PTPRR: variants seen among roughly 807,000 people sequenced by gnomAD.
The protein encoded by PTPRR is receptor-type tyrosine-protein phosphatase R.
PTPRR carries 38 observed loss-of-function variants against 77.2 expected under a neutral mutation model. That is an observed-to-expected ratio of 0.49 (90% CI 0.38 to 0.65). The LOEUF (loss-of-function observed/expected upper bound fraction) is 0.65. PTPRR is among the 30% of genes least tolerant of loss of function. PTPRR has a pLI of 0.00. For missense variants in PTPRR, 744 were observed against 799.2 expected, an observed-to-expected ratio of 0.93 and a Z score of 0.83; for synonymous variants, 299 against 283.1, an observed-to-expected ratio of 1.06 and a Z score of -0.57.
intron 2 of PTPRR, among the ~76,000 whole-genome samples, chr12:70,841,289 T>C (rs1247323049): frequency 2.0e-5 from 3 of 152,192 alleles, no homozygotes; most frequent in Non-Finnish European, 2.9e-5. Flanking sequence ...CTTCTCGGTA[T>C]GCTAAATGAA....
intron 2 of PTPRR, among the ~76,000 whole-genome samples, chr12:70,808,188 A>C (rs1466150585): frequency 6.6e-6 from 1 of 152,086 alleles, no homozygotes; most frequent in South Asian, 2.1e-4. Context: ...GCTTGCTAGG[A>C]TTAGGAAATT....
At chr12:70,789,000 C>G (rs1037552413) in intron 2 of PTPRR, 1 of 769,182 alleles carries the variant, frequency 1.3e-6, no homozygotes, top group Admixed American at 3.7e-5. Flanking sequence ...CACTGCGGAT[C>G]CCAGGTCTAC....
At chr12:70,674,394 T>G (rs1341253993) in intron 10 of PTPRR, among the ~76,000 whole-genome samples, 1 of 152,220 alleles carries the variant, frequency 6.6e-6, no homozygotes, top group Non-Finnish European at 1.5e-5. Flanking sequence ...TAAACTTCCT[T>G]CTATGAGCAT....
rs926554079 is a variant in PTPRR, at chr12:70,889,446, T to G, written c.357+3233A>C. On this transcript the variant is annotated intron_variant, in intron 2 of 13. Transcript: ENST00000283228. ...GCATGCCATAAACCCGAGTTTAGAATGTAATTAAAACCCATAGCTATCACA... is the reference window on the plus strand; with the variant it reads ...GCATGCCATAAACCCGAGTTTAGAAGGTAATTAAAACCCATAGCTATCACA... 2.0e-5 allele frequency among the ~76,000 whole-genome samples: 3 copies of G among 152,300 alleles called. No individual in the cohort carries two copies. The East Asian group carries it at 5.8e-4, about 29-fold the overall frequency.
At chr12:70,810,515 CA>C (rs1466993102) in intron 2 of PTPRR, among the ~76,000 whole-genome samples, 1 of 152,082 alleles carries the variant, frequency 6.6e-6, no homozygotes, top group African/African-American at 2.4e-5. Context: ...TAACTTTTAA[CA>C]GTTATTTGAT....
At chr12:70,863,912 C>T (rs894888454) in intron 2 of PTPRR, among the ~76,000 whole-genome samples, 5 of 152,184 alleles carry the variant, frequency 3.3e-5, no homozygotes, top group Non-Finnish European at 7.3e-5. Context: ...TCCACAATCC[C>T]TCCTTTAGTA....
At chr12:70,666,263 C>T (rs778103448) in intron 10 of PTPRR, among the ~76,000 whole-genome samples, 2 of 152,176 alleles carry the variant, frequency 1.3e-5, no homozygotes, top group Non-Finnish European at 2.9e-5. Context: ...TTGATTTCCA[C>T]ACTGACTCTT....
chr12:70,694,141 G>A (rs1288886023), intron 8 of PTPRR, among the ~76,000 whole-genome samples: 2 of 152,062 alleles, frequency 1.3e-5, no homozygotes, highest in African/African-American at 2.4e-5. Context: ...ATAACTTGTT[G>A]CTTTAATGAG....
chr12:70,750,348 A>G (rs185446537), intron 5 of PTPRR, among the ~76,000 whole-genome samples: 1 of 152,324 alleles, frequency 6.6e-6, no homozygotes, highest in African/African-American at 2.4e-5. Context: ...TTGATTTGTT[A>G]TAAATATAAT....
chr12:70,771,195 A>T (rs1160680674), intron 2 of PTPRR, among the ~76,000 whole-genome samples: 1 of 152,050 alleles, frequency 6.6e-6, no homozygotes, highest in Non-Finnish European at 1.5e-5. Flanking sequence ...AAGATGTATT[A>T]TATACACCAT....
chr12:70,772,345 CTT>C (rs960250292), intron 2 of PTPRR, among the ~76,000 whole-genome samples: 4 of 152,064 alleles, frequency 2.6e-5, no homozygotes, highest in African/African-American at 9.7e-5. Context: ...AGTAGGAACT[CTT>C]TAGGGGAACT....
chr12:70,918,233 C>T (rs1302226212), intron 1 of PTPRR, among the ~76,000 whole-genome samples: 2 of 152,136 alleles, frequency 1.3e-5, no homozygotes, highest in Non-Finnish European at 2.9e-5. Context: ...CCACAAATTG[C>T]TGTTTAAAAT....
At chr12:70,670,976 TA>T (rs1196736780) in intron 10 of PTPRR, among the ~76,000 whole-genome samples, 1 of 152,240 alleles carries the variant, frequency 6.6e-6, no homozygotes, top group African/African-American at 2.4e-5. Context: ...TTGGAGTTAT[TA>T]AATAAGAGAT....
intron 1 of PTPRR, among the ~76,000 whole-genome samples, chr12:70,901,338 G>C (rs1592824357): frequency 6.6e-6 from 1 of 151,488 alleles, no homozygotes; most frequent in Admixed American, 6.6e-5. Context: ...CAATAGCCAA[G>C]ATACGAAAAT....
chr12:70,740,386 T>G (rs1425476286), intron 6 of PTPRR, among the ~76,000 whole-genome samples: 1 of 146,822 alleles, frequency 6.8e-6, no homozygotes, highest in Non-Finnish European at 1.5e-5. Flanking sequence ...TTTTTTTTTC[T>G]TTTTGAGACA....
intron 10 of PTPRR, 29 bp from the exon 11 acceptor site, chr12:70,662,634 A>G (rs772185520): frequency 7.0e-5 from 95 of 1,357,242 alleles, no homozygotes; most frequent in Non-Finnish European, 6.8e-5. Flanking sequence ...AATACAGCAA[A>G]TATTAATGGC....
chr12:70,791,276 T>G (rs1891417734), intron 2 of PTPRR, among the ~76,000 whole-genome samples: 1 of 152,124 alleles, frequency 6.6e-6, no homozygotes, highest in African/African-American at 2.4e-5. Context: ...CTAGTCTCCT[T>G]GCTGCTTTTC....
intron 4 of PTPRR, among the ~76,000 whole-genome samples, chr12:70,755,610 T>C (rs1289518592): frequency 6.6e-6 from 1 of 152,182 alleles, no homozygotes; most frequent in African/African-American, 2.4e-5. Context: ...TTTTCTTTAC[T>C]TGTAAAACAG....
intron 10 of PTPRR, among the ~76,000 whole-genome samples, chr12:70,678,486 TG>T (rs1264988129): frequency 1.3e-5 from 2 of 152,314 alleles, no homozygotes; most frequent in East Asian, 3.9e-4. Flanking sequence ...CGTGTAGTAT[TG>T]TTCACCATAG....
Sources: allele counts gnomAD v4.1 joint callset (sites outside exome capture counted in the v4.1 genomes callset), GRCh38; gene constraint gnomAD v4.1.1; transcripts MANE v1.5; gene names NCBI Gene and HGNC (gene_info 2026-07-23, HGNC 2026-07-21).